The following PHTF1 variants were observed in gnomAD, a reference collection of about 807,000 sequenced individuals.
The protein encoded by PHTF1 is protein PHTF1.
PHTF1 carries 88 observed loss-of-function variants against 102.4 expected under a neutral mutation model. That is an observed-to-expected ratio of 0.86 (90% CI 0.72 to 1.03). The LOEUF is 1.03. Among genes scored for constraint, PHTF1 ranks in the 50% least tolerant of loss-of-function variants. The pLI, the probability that PHTF1 is intolerant of heterozygous loss-of-function variation, is 0.00. For missense variants in PHTF1, 814 were observed against 909.5 expected (o/e 0.89, Z 1.35); for synonymous variants, 289 against 305.2 (o/e 0.95, Z 0.55).
chr1:113,698,616 T>C (rs112109216), intron 17 of PHTF1, among the ~76,000 whole-genome samples: 395 of 114,082 alleles, frequency 3.5e-3, no homozygotes, highest in African/African-American at 0.014. Context: ...TTTATATATA[T>C]ATATACACAC....
chr1:113,722,919 CAAAT>C (rs34016504), intron 7 of PHTF1, among the ~76,000 whole-genome samples: 9,242 of 134,686 alleles, frequency 0.069, 358 homozygotes, highest in African/African-American at 0.11. Flanking sequence ...GACTCCATCT[CAAAT>C]AAATAAATAA....
At chr1:113,739,535 T>A (rs931927823) in intron 3 of PHTF1, among the ~76,000 whole-genome samples, 1 of 152,228 alleles carries the variant, frequency 6.6e-6, no homozygotes, top group Non-Finnish European at 1.5e-5. Context: ...TGTGTAATGA[T>A]CAAACTATAT....
At chr1:113,710,204 A>C in intron 11 of PHTF1, 50 bp downstream of exon 11, 1 of 1,319,176 alleles carries the variant, frequency 7.6e-7, no homozygotes, top group South Asian at 1.2e-5. Context: ...TGCCTGACAC[A>C]CAGTAAGAAC....
chr1:113,755,001 T>C (rs760701927), intron 3 of PHTF1, among the ~76,000 whole-genome samples: 124 of 152,276 alleles, frequency 8.1e-4, no homozygotes, highest in Non-Finnish European at 1.0e-3. Flanking sequence ...AACATTGTAG[T>C]TCAATAAATG....
At chr1:113,746,892 T>C in intron 3 of PHTF1, 1 of 782,300 alleles carries the variant, frequency 1.3e-6, no homozygotes, top group South Asian at 5.8e-5. Flanking sequence ...TTCTTCTCTT[T>C]ACTTCTAAAA....
At chr1:113,718,232 G>T (rs1331366203) in intron 7 of PHTF1, among the ~76,000 whole-genome samples, 6 of 152,184 alleles carry the variant, frequency 3.9e-5, no homozygotes, top group Non-Finnish European at 7.3e-5. Context: ...AAATTTTAAA[G>T]CTCCAAAATG....
intron 5 of PHTF1, among the ~76,000 whole-genome samples, chr1:113,732,017 T>C (rs1468647326): frequency 2.0e-5 from 3 of 151,660 alleles, no homozygotes; most frequent in East Asian, 1.9e-4. Context: ...CCTCCAAAAA[T>C]ATATGTATAC....
At chr1:113,745,919 C>T (rs2101656237) in intron 3 of PHTF1, among the ~76,000 whole-genome samples, 1 of 152,278 alleles carries the variant, frequency 6.6e-6, no homozygotes, top group South Asian at 2.1e-4. Flanking sequence ...TTGTAATGTG[C>T]TTGAATCATT....
At chr1:113,707,915 T>G (rs903693460) in intron 11 of PHTF1, among the ~76,000 whole-genome samples, 2 of 151,298 alleles carry the variant, frequency 1.3e-5, no homozygotes, top group Admixed American at 1.3e-4. Flanking sequence ...GAATTGGCAT[T>G]AGAGAAAATT....
rs1327134439 is a variant in PHTF1, at chr1:113,706,609, G to A, written c.1383C>T (p.Gly461=). ...TCAGTCTTACCCTGCTCATGATGAT[G>A]CCACTTATTTCCAACACAGACATAT... is the stretch of plus-strand genomic sequence containing the variant. The part of the protein sequence containing the change: ...KMDMSVLEIS[G]IIMSRVNAYQ... The change falls in exon 12 of 19, where the codon GGC becomes GGT. Residue 461 remains glycine, a synonymous_variant. Transcript: ENST00000369604. 4 of 1,609,012 alleles carry A rather than the reference G, an allele frequency of 2.5e-6. No individual in the cohort carries two copies. The highest frequency in any genetic ancestry group is 3.4e-6 in the Non-Finnish European group (4 of 1,178,554).
In PHTF1 at chr1:113,759,050, G is replaced by C. The variant is rs1659317135; in HGVS notation, c.-58C>G. ...AGTGCCCGTTGCCCCGCGGGCCGGCGCCCGGGACCTCCGTCCTCAGTGCCC... is the reference window on the plus strand; with the variant it reads ...AGTGCCCGTTGCCCCGCGGGCCGGCCCCCGGGACCTCCGTCCTCAGTGCCC... On this transcript the variant is annotated 5_prime_UTR_variant, in exon 1 of 19. Coordinates refer to ENST00000369604, the MANE Select transcript of PHTF1 (RefSeq NM_001323043.2). 1 of 1,009,962 alleles carries C rather than the reference G, an allele frequency of 9.9e-7. No individual in the cohort carries two copies. The highest frequency in any genetic ancestry group is 5.9e-5 in the Admixed American group (1 of 16,914). The allele number at this position is 1,009,962 out of a possible 1,614,324, so 62.6% of individuals were successfully genotyped here. A position where few individuals can be genotyped will look rare whatever the true frequency, so the allele number is the denominator to read the frequency against.
At position 113,711,751 on chromosome 1, in the gene PHTF1, T is replaced by A. The variant is rs1357101124; in HGVS notation, c.1042A>T (p.Ser348Cys). ...TTCTCAAAGGGATACTTTACCTGGC[T>A]GAAGGCTGCTGATTCAAATTCTGAT... ...AESEFESAAF[S>C]QGSRSGVSGG... Residue 348 changes from serine (S) to cysteine (C), a missense_variant, in exon 10 of 19, where the codon AGC becomes TGC. Coordinates refer to ENST00000369604, the MANE Select transcript of PHTF1 (RefSeq NM_001323043.2). 6.2e-7 allele frequency: 1 copy of A among 1,611,364 alleles called. No individual in the cohort carries two copies. Among genetic ancestry groups the A allele is most frequent in the Non-Finnish European group, 8.5e-7 (1 of 1,177,434 alleles).
intron 5 of PHTF1, among the ~76,000 whole-genome samples, chr1:113,728,666 T>C (rs1654192782): frequency 6.6e-6 from 1 of 152,170 alleles, no homozygotes; most frequent in Admixed American, 6.5e-5. Flanking sequence ...CCCAGCACTT[T>C]GAGAGGCCAA....
At chr1:113,746,890 T>C in intron 3 of PHTF1, 2 of 810,080 alleles carry the variant, frequency 2.5e-6, no homozygotes, top group Non-Finnish European at 3.0e-6. Context: ...ATTTCTTCTC[T>C]TTACTTCTAA....
intron 7 of PHTF1, 61 bp downstream of exon 7, chr1:113,724,695 CTGA>C (rs2101424405): frequency 3.8e-6 from 5 of 1,315,438 alleles, no homozygotes; most frequent in African/African-American, 3.0e-5. Flanking sequence ...CTCCTATGGC[CTGA>C]TGATACTATA....
intron 5 of PHTF1, among the ~76,000 whole-genome samples, chr1:113,731,647 A>C (rs1046427897): frequency 6.6e-6 from 1 of 152,096 alleles, no homozygotes; most frequent in Non-Finnish European, 1.5e-5. Flanking sequence ...TAATCCCAGC[A>C]CTTTGGGAGG....
intron 7 of PHTF1, among the ~76,000 whole-genome samples, chr1:113,719,087 A>G (rs1194453230): frequency 1.3e-5 from 2 of 151,154 alleles, no homozygotes; most frequent in Non-Finnish European, 2.9e-5. Context: ...TGCAAATGCC[A>G]CCTCTTGGGT....
chr1:113,699,398 C>G, intron 17 of PHTF1: 1 of 506,744 alleles, frequency 2.0e-6, no homozygotes, highest in Non-Finnish European at 3.7e-6. Context: ...ATGCCTTGAA[C>G]CTGGTCCTTG....
rs180722613 is a variant in PHTF1, at chr1:113,713,545, T to A, written c.624-107A>T. On this transcript the variant is annotated intron_variant, in intron 7 of 18. Transcript: ENST00000369604. The stretch of plus-strand genomic sequence containing the variant: ...TATATTATTCTGGAAATCAAGAAAA[T>A]GCAGGAATCATATTTTTCAGGACTT... 1,214 of 660,790 alleles carry A rather than the reference T, an allele frequency of 1.8e-3. 9 individuals carry two copies. In the African/African-American group the frequency reaches 0.02, roughly 11 times the overall value. The allele number at this position is 660,790 out of a possible 1,614,324, so 40.9% of individuals were successfully genotyped here. A position where few individuals can be genotyped will look rare whatever the true frequency, so the allele number is the denominator to read the frequency against.
Sources: allele counts gnomAD v4.1 joint callset (sites outside exome capture counted in the v4.1 genomes callset), GRCh38; gene constraint gnomAD v4.1.1; transcripts MANE v1.5; gene names NCBI Gene and HGNC (gene_info 2026-07-23, HGNC 2026-07-21).